PSD3: variants seen among roughly 807,000 people sequenced by gnomAD.
PSD3 encodes PH and SEC7 domain-containing protein 3.
A neutral mutation model predicts 105.5 loss-of-function variants in PSD3; 49 were observed. That is an observed-to-expected ratio of 0.46 (90% confidence interval 0.37 to 0.59). The LOEUF is 0.59. Ranked by LOEUF, PSD3 falls within the 20% of genes least tolerant of loss-of-function variation. The pLI is 0.00. For synonymous variants in PSD3, 557 were observed against 457.8 expected, an observed-to-expected ratio of 1.22 and a Z score of -2.77; for missense variants, 1,561 against 1,263.8, an observed-to-expected ratio of 1.24 and a Z score of -3.57.
At chr8:18,829,245 A>C (rs1813478273) in intron 4 of PSD3, among the ~76,000 whole-genome samples, 1 of 152,098 alleles carries the variant, frequency 6.6e-6, no homozygotes, top group Non-Finnish European at 1.5e-5. Flanking sequence ...TCTCCAAGAA[A>C]ATTTTTTAAA....
intron 4 of PSD3, among the ~76,000 whole-genome samples, chr8:18,835,188 T>TTAA (rs1453109110): frequency 6.6e-6 from 1 of 152,172 alleles, no homozygotes; most frequent in Non-Finnish European, 1.5e-5. Context: ...GAACCAGCAA[T>TTAA]TATATGTCTA....
At chr8:18,923,914 T>G (rs6995164) in intron 2 of PSD3, among the ~76,000 whole-genome samples, 2 of 151,892 alleles carry the variant, frequency 1.3e-5, no homozygotes, top group African/African-American at 2.4e-5. Context: ...ATGTGTGTGT[T>G]TTATATATAT....
At chr8:18,612,624 C>A (rs1292885857) in intron 11 of PSD3, among the ~76,000 whole-genome samples, 1 of 152,164 alleles carries the variant, frequency 6.6e-6, no homozygotes, top group South Asian at 2.1e-4. Context: ...CCTGCCTCGG[C>A]CTCCCAAAGT....
chr8:19,034,252 A>G (rs1827872394), intron 1 of PSD3, among the ~76,000 whole-genome samples: 1 of 152,190 alleles, frequency 6.6e-6, no homozygotes, highest in Non-Finnish European at 1.5e-5. Flanking sequence ...ACATTGTGTT[A>G]CAGCCTAGAT....
intron 1 of PSD3, among the ~76,000 whole-genome samples, chr8:18,961,270 G>C (rs1823896540): frequency 6.6e-6 from 1 of 152,048 alleles, no homozygotes; most frequent in Admixed American, 6.6e-5. Flanking sequence ...TTTTTACTTT[G>C]ACAACTCAAT....
chr8:18,576,071 G>T (rs1302043916), intron 12 of PSD3, among the ~76,000 whole-genome samples: 2 of 152,042 alleles, frequency 1.3e-5, no homozygotes, highest in Non-Finnish European at 2.9e-5. Flanking sequence ...AAAGCCTAAA[G>T]AAAGATATTG....
chr8:18,799,958 G>C (rs1048889313), intron 7 of PSD3, among the ~76,000 whole-genome samples: 5 of 152,114 alleles, frequency 3.3e-5, no homozygotes, highest in Admixed American at 2.6e-4. Flanking sequence ...ATAAATTAAA[G>C]CCAGGGTATT....
chr8:18,918,957 C>A (rs1027437236), intron 2 of PSD3, among the ~76,000 whole-genome samples: 2 of 151,974 alleles, frequency 1.3e-5, no homozygotes, highest in East Asian at 3.9e-4. Flanking sequence ...TGGCTAAAGA[C>A]CGCCCTGAAA....
chr8:18,913,772 AG>A (rs1243935748), intron 2 of PSD3, among the ~76,000 whole-genome samples: 3 of 152,006 alleles, frequency 2.0e-5, no homozygotes, highest in East Asian at 3.9e-4. Flanking sequence ...CCCAGGTACC[AG>A]GATGGTCCCC....
Position 18,623,241 on chromosome 8 carries a change from T to C in PSD3, c.2410+9372A>G, listed in dbSNP as rs1222827615. 4.6e-5 allele frequency among the ~76,000 whole-genome samples: 7 copies of C among 151,384 alleles called. No individual in the cohort carries two copies. The East Asian group carries it at 1.4e-3, about 29-fold the overall frequency. ...CTGAGTTTTCTAATTGTAATTTTCC[T>C]GTGCAGATTTTAAGAAAAACATCCT... On this transcript the variant is annotated intron_variant, in intron 11 of 15. Transcript: ENST00000327040.
At chr8:18,544,171 C>CAAAAAAAAAAAAAAAAAAAA (rs201016537) in intron 15 of PSD3, among the ~76,000 whole-genome samples, 18 of 106,714 alleles carry the variant, frequency 1.7e-4, no homozygotes, top group East Asian at 2.9e-4. Flanking sequence ...AGAAACAAAC[C>CAAAAAAAAAAAAAAAAAAAA]AAAAAAAAAA....
At chr8:18,787,424 T>A (rs889515169) in intron 8 of PSD3, among the ~76,000 whole-genome samples, 1 of 152,146 alleles carries the variant, frequency 6.6e-6, no homozygotes, top group Admixed American at 6.5e-5. Context: ...CTCTGGATCA[T>A]TACCTTTAAA....
intron 11 of PSD3, among the ~76,000 whole-genome samples, chr8:18,632,381 A>T (rs1806965445): frequency 6.6e-6 from 1 of 152,060 alleles, no homozygotes; most frequent in Admixed American, 6.6e-5. Flanking sequence ...ATGGATAGAG[A>T]ATGAATAAAT....
intron 15 of PSD3, among the ~76,000 whole-genome samples, chr8:18,539,824 G>C (rs1384601669): frequency 6.6e-6 from 1 of 152,054 alleles, no homozygotes; most frequent in Non-Finnish European, 1.5e-5. Context: ...GGGATTACAA[G>C]CGTGAGGCAC....
chr8:19,013,751 G>A (rs1433126705), upstream of PSD3: 19 of 400,290 alleles, frequency 4.7e-5, no homozygotes, highest in Non-Finnish European at 6.2e-5. Context: ...GCGAGGCTGC[G>A]AGCCCGCGGC....
At chr8:18,969,481 G>A (rs1824501387) in intron 1 of PSD3, among the ~76,000 whole-genome samples, 1 of 152,176 alleles carries the variant, frequency 6.6e-6, no homozygotes, top group African/African-American at 2.4e-5. Context: ...GACAGACAAT[G>A]TATGCATGTT....
At chr8:18,653,107 A>G (rs532793046) in intron 10 of PSD3, among the ~76,000 whole-genome samples, 25 of 152,198 alleles carry the variant, frequency 1.6e-4, no homozygotes, top group Non-Finnish European at 2.4e-4. Flanking sequence ...TAGTTGACCC[A>G]TAATCCCTTT....
At chr8:18,731,478 C>T (rs533735085) in intron 9 of PSD3, among the ~76,000 whole-genome samples, 146 of 152,216 alleles carry the variant, frequency 9.6e-4, no homozygotes, top group Non-Finnish European at 1.5e-3. Flanking sequence ...AAATTTACTG[C>T]CCTGTATCAA....
chr8:18,817,854 T>C (rs1812343830), intron 4 of PSD3, among the ~76,000 whole-genome samples: 2 of 152,200 alleles, frequency 1.3e-5, no homozygotes, highest in Non-Finnish European at 2.9e-5. Flanking sequence ...GTGGACAGAA[T>C]GCAGCGGTGA....
Sources: gnomAD v4.1 joint callset for allele counts (sites outside exome capture counted in the v4.1 genomes callset) on GRCh38, gnomAD v4.1.1 for gene constraint, MANE v1.5 for transcripts, NCBI Gene and HGNC (gene_info 2026-07-23, HGNC 2026-07-21) for gene names.